The following TMEM131L variants were observed in gnomAD, a reference collection of about 807,000 sequenced individuals.
TMEM131L encodes the protein transmembrane protein 131-like.
In TMEM131L, 54 loss-of-function variants were observed where a neutral mutation model predicts 192.2. The observed-to-expected ratio is 0.28, with a 90% CI of 0.23 to 0.35. The LOEUF (loss-of-function observed/expected upper bound fraction) is 0.35. Among genes scored for constraint, TMEM131L ranks in the 10% least tolerant of loss-of-function variants. The pLI is 1.00. For synonymous variants in TMEM131L, 701 were observed against 704.9 expected (o/e 0.99, Z 0.09); for missense variants, 1,888 against 1,972.9 (o/e 0.96, Z 0.82).
chr4:153,497,729 A>G (rs775187428), intron 3 of TMEM131L, among the ~76,000 whole-genome samples: 9 of 152,208 alleles, frequency 5.9e-5, no homozygotes, highest in African/African-American at 2.4e-5. Context: ...ACGCACAGAC[A>G]TGAGATTAGA....
At chr4:153,544,926 C>T (rs1206632959) in intron 3 of TMEM131L, among the ~76,000 whole-genome samples, 1 of 152,184 alleles carries the variant, frequency 6.6e-6, no homozygotes, top group Non-Finnish European at 1.5e-5. Flanking sequence ...TCAGCAGTCT[C>T]TGGCCCTGCC....
At chr4:153,472,291 T>C (rs114427956) in intron 2 of TMEM131L, among the ~76,000 whole-genome samples, 3,207 of 152,282 alleles carry the variant, frequency 0.021, 121 homozygotes, top group African/African-American at 0.073. Context: ...CCATTACGTA[T>C]GTTGTGTGAG....
Position 153,635,422 on chromosome 4 carries a change from T to C in TMEM131L, c.4418-10T>C. The C allele has an allele frequency of 6.2e-7, 1 of 1,613,188 alleles. No homozygotes were observed. Among genetic ancestry groups the C allele is most frequent in the African/African-American group, 1.3e-5 (1 of 75,046 alleles). On this transcript the variant is annotated splice_polypyrimidine_tract_variant and intron_variant, in intron 33 of 34. Coordinates refer to ENST00000409959, the MANE Select transcript of TMEM131L (RefSeq NM_001131007.2). ...GTTTACCTATGATGATATTCTCCCA[T>C]TCTTTGTAGAAAACATGAACTATGC...
rs561622460 is a variant in TMEM131L, at chr4:153,628,064, AGT to A, written c.4207+381_4207+382del. 2.1e-3 allele frequency among the ~76,000 whole-genome samples: 314 copies of A among 152,306 alleles called. 3 individuals carry two copies. The highest frequency in any genetic ancestry group is 2.3e-3 in the Non-Finnish European group (157 of 68,018). ...CCCAAGGGAAGGAGGCTGATTGGGGAGTGTGCCTAGGCTGAGGGTGCAGCACC... is the reference window on the plus strand; with the variant it reads ...CCCAAGGGAAGGAGGCTGATTGGGGAGTGCCTAGGCTGAGGGTGCAGCACC... On this transcript the variant is annotated intron_variant, in intron 31 of 34. Coordinates refer to ENST00000409959, the MANE Select transcript of TMEM131L (RefSeq NM_001131007.2).
intron 3 of TMEM131L, among the ~76,000 whole-genome samples, chr4:153,482,289 A>C (rs1295703003): frequency 6.6e-6 from 1 of 151,936 alleles, no homozygotes; most frequent in African/African-American, 2.4e-5. Flanking sequence ...AATGCATTCA[A>C]CCATGGTCTG....
At chr4:153,488,821 G>A (rs1732553332) in intron 3 of TMEM131L, among the ~76,000 whole-genome samples, 1 of 152,298 alleles carries the variant, frequency 6.6e-6, no homozygotes, top group South Asian at 2.1e-4. Flanking sequence ...CGGGGAGTCC[G>A]CCCTCGCCTT....
At chr4:153,497,817 T>G (rs1733285437) in intron 3 of TMEM131L, among the ~76,000 whole-genome samples, 1 of 151,640 alleles carries the variant, frequency 6.6e-6, no homozygotes, top group South Asian at 2.1e-4. Flanking sequence ...TCATCTGTGT[T>G]TGTGTAACAT....
chr4:153,487,860 AGAGT>A (rs766331272), intron 3 of TMEM131L, among the ~76,000 whole-genome samples: 19 of 143,550 alleles, frequency 1.3e-4, no homozygotes, highest in South Asian at 2.2e-4. Context: ...TGTGTGAGAG[AGAGT>A]GAGAGAGACA....
rs758963491 is a variant in TMEM131L, at chr4:153,586,285, A to G, written c.1388A>G (p.Asp463Gly). 1.9e-6 allele frequency: 3 copies of G among 1,604,874 alleles called. No individual in the cohort carries two copies. The highest frequency in any genetic ancestry group is 3.4e-5 in the Admixed American group (2 of 58,430). The change falls in exon 14 of 35, where the codon GAC (aspartate) becomes GGC (glycine). Residue 463 changes from aspartate (D) to glycine (G), a missense_variant. Coordinates refer to ENST00000409959, the MANE Select transcript of TMEM131L (RefSeq NM_001131007.2). ...TTTTCTTTGAAACTTGCTGTTAAAGACATTGCCATAAATCTATTCACCAAT... is the reference window on the plus strand; with the variant it reads ...TTTTCTTTGAAACTTGCTGTTAAAGGCATTGCCATAAATCTATTCACCAAT... ...NIFSLKLAVK[D>G]IAINLFTNVF...
At chr4:153,556,305 C>T (rs994058687) in intron 5 of TMEM131L, among the ~76,000 whole-genome samples, 4 of 152,160 alleles carry the variant, frequency 2.6e-5, no homozygotes, top group Non-Finnish European at 5.9e-5. Context: ...CTCAAGCCTA[C>T]TAGGAAAGTT....
intron 26 of TMEM131L, among the ~76,000 whole-genome samples, chr4:153,617,903 A>G (rs181588195): frequency 9.4e-5 from 13 of 138,978 alleles, no homozygotes; most frequent in African/African-American, 3.1e-4. Flanking sequence ...TCATGAATTT[A>G]TATTTCATGT....
rs138321079 is a variant in TMEM131L at position 153,521,566 on chromosome 4, A to G, written c.240-28507A>G. Among the ~76,000 whole-genome samples, 106 of 152,320 alleles carry G rather than the reference A, an allele frequency of 7.0e-4. 1 individual carries two copies. The highest frequency in any genetic ancestry group is 2.5e-3 in the African/African-American group (105 of 41,572). Reference sequence around the variant, plus strand: ...TACCATTTTGACCATTTTTAAGTGTACAGTTGAGTGGCGTTAAGTATACCC... The same window carrying G: ...TACCATTTTGACCATTTTTAAGTGTGCAGTTGAGTGGCGTTAAGTATACCC... On this transcript the variant is annotated intron_variant, in intron 3 of 34. Coordinates refer to ENST00000409959, the MANE Select transcript of TMEM131L (RefSeq NM_001131007.2).
chr4:153,496,984 C>T (rs1341650541), intron 3 of TMEM131L, among the ~76,000 whole-genome samples: 1 of 152,068 alleles, frequency 6.6e-6, no homozygotes, highest in Non-Finnish European at 1.5e-5. Flanking sequence ...CCTCAGCCTC[C>T]CTAGTAGCTG....
chr4:153,533,503 A>G (rs936545089), intron 3 of TMEM131L, among the ~76,000 whole-genome samples: 1 of 152,184 alleles, frequency 6.6e-6, no homozygotes, highest in Non-Finnish European at 1.5e-5. Flanking sequence ...TTACAGATCT[A>G]TTCATTCAAG....
rs766961205 is a variant in TMEM131L, at chr4:153,620,828, A to G, written c.3640A>G (p.Lys1214Glu). The change falls in exon 27 of 35, where the codon AAA becomes GAA. Residue 1214 changes from lysine to glutamate, a missense_variant. By Grantham distance (56) the Lys-to-Glu change is moderately conservative (BLOSUM62 1). Transcript: ENST00000409959. Reference protein sequence around the residue: ...EGNLQNLNWSKSRTCRKNKKR... With the variant: ...EGNLQNLNWSESRTCRKNKKR... ...AAATTTACAAAATTTAAATTGGAGT[A>G]AAAGTCGAACATGTAGAAAGAACAA... 6 of 1,601,396 alleles carry G rather than the reference A, an allele frequency of 3.7e-6. No individual in the cohort carries two copies. Among genetic ancestry groups the G allele is most frequent in the Admixed American group, 3.5e-5 (2 of 57,478 alleles).
chr4:153,615,797 G>C (rs1393093090), intron 26 of TMEM131L, among the ~76,000 whole-genome samples: 2 of 152,170 alleles, frequency 1.3e-5, no homozygotes, highest in Non-Finnish European at 2.9e-5. Flanking sequence ...TTCAACCTAA[G>C]ATGGCCCTAA....
chr4:153,595,934 TG>T (rs766998086), intron 19 of TMEM131L, among the ~76,000 whole-genome samples: 4 of 152,228 alleles, frequency 2.6e-5, no homozygotes, highest in Non-Finnish European at 4.4e-5. Flanking sequence ...CTGTTGGGTC[TG>T]TTTTCTGATT....
chr4:153,617,141 G>A (rs552710963), intron 26 of TMEM131L, among the ~76,000 whole-genome samples: 4 of 152,164 alleles, frequency 2.6e-5, no homozygotes, highest in African/African-American at 7.2e-5. Flanking sequence ...TGCTGTTCTC[G>A]TGATAGTAAG....
chr4:153,473,090 A>G (rs1038106248), intron 2 of TMEM131L, among the ~76,000 whole-genome samples: 9 of 152,186 alleles, frequency 5.9e-5, no homozygotes, highest in Admixed American at 2.0e-4. Flanking sequence ...ATGTGGTTGT[A>G]GGGGTAGGGC....
Sources: allele counts gnomAD v4.1 joint callset (sites outside exome capture counted in the v4.1 genomes callset), GRCh38; gene constraint gnomAD v4.1.1; transcripts MANE v1.5; gene names NCBI Gene and HGNC (gene_info 2026-07-23, HGNC 2026-07-21).